Variants in KHDRBS3 observed in about 807,000 individuals in gnomAD.
The protein encoded by KHDRBS3 is KH domain-containing, RNA-binding, signal transduction-associated protein 3.
Under a neutral mutation model 45.6 loss-of-function variants are expected in KHDRBS3, and 23 were observed. The ratio of observed to expected loss-of-function variants is 0.50; its 90% CI spans 0.36 to 0.72. The LOEUF (loss-of-function observed/expected upper bound fraction) is 0.72, where lower values mean the gene tolerates loss of function less well. Ranked by LOEUF, KHDRBS3 falls within the 30% of genes least tolerant of loss-of-function variation. The pLI, the probability that KHDRBS3 is intolerant of heterozygous loss-of-function variation, is 0.00. For missense variants in KHDRBS3, 352 were observed against 424.8 expected, an observed-to-expected ratio of 0.83 and a Z score of 1.51; for synonymous variants, 162 against 156.5, an observed-to-expected ratio of 1.04 and a Z score of -0.26.
At position 135,458,708 on chromosome 8, in the gene KHDRBS3, T is replaced by C. The variant is rs1366330422; in HGVS notation, c.88+754T>C. On this transcript the variant is annotated intron_variant, in intron 1 of 8. Coordinates refer to ENST00000355849, the MANE Select transcript of KHDRBS3 (RefSeq NM_006558.3). ...AGGGCGTTGGGTTGGGTGACCCTCA[T>C]TGGTGGCTGGCTTGAGGTTCGGAAT... 1.6e-5 allele frequency: 6 copies of C among 371,368 alleles called. 1 individual carries two copies. Among genetic ancestry groups the C allele is most frequent in the South Asian group, 6.1e-5 (3 of 49,392 alleles). 23.0% of individuals were successfully genotyped at this position (371,368 alleles called of 1,614,324 possible). A position where few individuals can be genotyped will look rare whatever the true frequency, so the allele number is the denominator to read the frequency against.
intron 6 of KHDRBS3, among the ~76,000 whole-genome samples, chr8:135,585,751 A>C (rs1279058389): frequency 2.0e-5 from 3 of 152,190 alleles, no homozygotes; most frequent in Admixed American, 6.5e-5. Flanking sequence ...TTAACTTCTA[A>C]GGAAAAATTC....
intron 6 of KHDRBS3, among the ~76,000 whole-genome samples, chr8:135,605,211 AAAT>A (rs1216852687): frequency 6.6e-6 from 1 of 152,024 alleles, no homozygotes; most frequent in African/African-American, 2.4e-5. Context: ...TCGTTTCTCA[AAAT>A]AATCTCTATT....
intron 7 of KHDRBS3, chr8:135,626,046 T>G: frequency 1.7e-6 from 1 of 583,882 alleles, no homozygotes; most frequent in Non-Finnish European, 3.1e-6. Context: ...TCCTTACTTT[T>G]TAGGCAAGAA....
intron 6 of KHDRBS3, among the ~76,000 whole-genome samples, chr8:135,589,798 C>T (rs781664547): frequency 1.2e-3 from 177 of 152,258 alleles, no homozygotes; most frequent in Non-Finnish European, 1.8e-3. Context: ...AGTAAATATG[C>T]GGAGGATGGA....
At chr8:135,494,304 A>C (rs1324875900) in intron 1 of KHDRBS3, among the ~76,000 whole-genome samples, 20 of 107,260 alleles carry the variant, frequency 1.9e-4, no homozygotes, top group African/African-American at 7.7e-4. Context: ...TTTGAGACAG[A>C]GTCTCACTCT....
At chr8:135,639,782 C>T (rs894825366) in intron 7 of KHDRBS3, among the ~76,000 whole-genome samples, 1 of 152,170 alleles carries the variant, frequency 6.6e-6, no homozygotes, top group African/African-American at 2.4e-5. Flanking sequence ...TTTAAACAAC[C>T]ACATCTTGTG....
At chr8:135,586,618 C>G (rs1828488104) in intron 6 of KHDRBS3, among the ~76,000 whole-genome samples, 1 of 152,138 alleles carries the variant, frequency 6.6e-6, no homozygotes, top group East Asian at 1.9e-4. Context: ...AAGAATAACA[C>G]TTTCATTTAA....
Position 135,582,043 on chromosome 8 carries a change from AC to A in KHDRBS3, c.782del (p.Pro261ArgfsTer91). 2.5e-6 allele frequency: 4 copies of A among 1,585,208 alleles called. No individual in the cohort carries two copies. Among genetic ancestry groups the A allele is most frequent in the African/African-American group, 1.3e-5 (1 of 74,212 alleles). On this transcript the variant is annotated frameshift_variant, in exon 6 of 9. Coordinates refer to ENST00000355849, the MANE Select transcript of KHDRBS3 (RefSeq NM_006558.3). LOFTEE classifies it high-confidence loss of function. The stretch of plus-strand genomic sequence containing the variant: ...CAACTGGGTACAGACCTCCACCGCC[AC>A]CCCCGACACAAGAGACTTATGGAGA... ...PPTGYRPPPP[P>X]PTQETYGEYD...
chr8:135,497,335 A>G (rs1823506433), intron 1 of KHDRBS3, among the ~76,000 whole-genome samples: 1 of 152,148 alleles, frequency 6.6e-6, no homozygotes. Flanking sequence ...GGTTTAGAGG[A>G]GTATTTCCGA....
At chr8:135,519,043 TGTA>T (rs1447443028) in intron 1 of KHDRBS3, among the ~76,000 whole-genome samples, 2 of 152,200 alleles carry the variant, frequency 1.3e-5, no homozygotes, top group Non-Finnish European at 2.9e-5. Context: ...CAAAACATAG[TGTA>T]GTACAAGAAA....
chr8:135,593,063 A>G (rs1828819578), intron 6 of KHDRBS3, among the ~76,000 whole-genome samples: 1 of 152,096 alleles, frequency 6.6e-6, no homozygotes, highest in Admixed American at 6.6e-5. Context: ...AAGAAAATAA[A>G]CTTGTGTTCA....
chr8:135,607,516 T>G (rs1022662596), intron 7 of KHDRBS3, among the ~76,000 whole-genome samples: 1 of 152,206 alleles, frequency 6.6e-6, no homozygotes, highest in Non-Finnish European at 1.5e-5. Context: ...TAGTTGTGAT[T>G]TATTTTCCAA....
In KHDRBS3 at chr8:135,607,663, A is replaced by G. The variant is rs989931044; in HGVS notation, c.890+626A>G. 9.2e-5 allele frequency among the ~76,000 whole-genome samples: 14 copies of G among 152,224 alleles called. 1 individual carries two copies. The highest frequency in any genetic ancestry group is 8.5e-4 in the Admixed American group (13 of 15,284). On this transcript the variant is annotated intron_variant, in intron 7 of 8. Transcript: ENST00000355849. ...TCTTATGTTGAGAATGTTTTCCTAA[A>G]TATGTGGAAACCTTTTGTTTTATGT...
At chr8:135,543,058 A>C (rs901608747) in intron 3 of KHDRBS3, among the ~76,000 whole-genome samples, 2 of 152,200 alleles carry the variant, frequency 1.3e-5, no homozygotes, top group African/African-American at 4.8e-5. Flanking sequence ...GAAAAGAAAT[A>C]AAAGCTATCT....
At chr8:135,601,813 G>A (rs985238724) in intron 6 of KHDRBS3, among the ~76,000 whole-genome samples, 6 of 152,036 alleles carry the variant, frequency 3.9e-5, no homozygotes, top group Non-Finnish European at 5.9e-5. Flanking sequence ...TATCTGTTGC[G>A]TTATAGCAAA....
chr8:135,625,517 C>A, intron 7 of KHDRBS3: 2 of 827,242 alleles, frequency 2.4e-6, no homozygotes, highest in Non-Finnish European at 4.2e-6. Context: ...AGCTGCACTG[C>A]TAGAACTGAG....
intron 2 of KHDRBS3, among the ~76,000 whole-genome samples, chr8:135,538,314 T>G (rs1187790050): frequency 3.3e-5 from 5 of 152,168 alleles, no homozygotes; most frequent in African/African-American, 1.2e-4. Context: ...ACATATGTCT[T>G]TTTCTGATTG....
chr8:135,625,548 G>A, intron 7 of KHDRBS3: 1 of 914,654 alleles, frequency 1.1e-6, no homozygotes, highest in Non-Finnish European at 1.8e-6. Flanking sequence ...GGTGTATTCA[G>A]AGCTGGAGCA....
At chr8:135,498,485 C>A (rs963590144) in intron 1 of KHDRBS3, among the ~76,000 whole-genome samples, 2 of 151,812 alleles carry the variant, frequency 1.3e-5, no homozygotes, top group Non-Finnish European at 2.9e-5. Context: ...TTTCATAGCC[C>A]TGCCTACACA....
Sources: gnomAD v4.1 joint callset for allele counts (sites outside exome capture counted in the v4.1 genomes callset) on GRCh38, gnomAD v4.1.1 for gene constraint, MANE v1.5 for transcripts, NCBI Gene and HGNC (gene_info 2026-07-23, HGNC 2026-07-21) for gene names.